MAMSTR: variants seen among roughly 807,000 people sequenced by gnomAD.
MAMSTR encodes MEF2 activating motif and SAP domain containing transcriptional regulator.
Under a neutral mutation model 42.7 loss-of-function variants are expected in MAMSTR, and 41 were observed. The observed-to-expected ratio is 0.96, with a 90% CI of 0.75 to 1.25. The LOEUF (loss-of-function observed/expected upper bound fraction) is 1.25, where lower values mean the gene tolerates loss of function less well. Among genes scored for constraint, MAMSTR ranks in the 50% most tolerant of loss-of-function variants. The probability of loss-of-function intolerance (pLI) is 0.00; values close to 1 mark genes in which losing one functional copy is unlikely to be tolerated. For synonymous variants in MAMSTR, 265 were observed against 244.1 expected (o/e 1.09, Z -0.80); for missense variants, 567 against 557.6 (o/e 1.02, Z -0.17).
chr19:48,714,083 C>T lies in MAMSTR; in HGVS notation c.724-38G>A, dbSNP rs774413745. ...AGAGGGCGAGCGCCCATAAGCCATG[C>T]CCACAGGGCGCAACCCCACCCACTC... On this transcript the variant is annotated intron_variant, in intron 7 of 9. Coordinates refer to ENST00000318083, the MANE Select transcript of MAMSTR (RefSeq NM_001130915.2). The T allele has an allele frequency of 2.8e-5, 42 of 1,523,580 alleles. No individual in the cohort carries two copies. In the East Asian group the frequency reaches 9.4e-4, roughly 34 times the overall value. The allele number at this position is 1,523,580 out of a possible 1,614,324, so 94.4% of individuals were successfully genotyped here.
chr19:48,714,791 A>G lies in MAMSTR; in HGVS notation c.528+15T>C. 1 of 1,573,286 alleles carries G rather than the reference A, an allele frequency of 6.4e-7. No homozygotes were observed. ...AAGGAGAGAGAAGGCCTGGAAAGTT[A>G]CACCCCAAACTCACCGTCAGCTCCT... On this transcript the variant is annotated intron_variant, in intron 6 of 9. Coordinates refer to ENST00000318083, the MANE Select transcript of MAMSTR (RefSeq NM_001130915.2).
At position 48,715,698 on chromosome 19, in the gene MAMSTR, G is replaced by GC; in HGVS notation, c.166dup (p.Ala56GlyfsTer87). 1 of 1,540,540 alleles carries GC rather than the reference G, an allele frequency of 6.5e-7. No individual in the cohort carries two copies. Among genetic ancestry groups the GC allele is most frequent in the African/African-American group, 1.4e-5 (1 of 72,066 alleles). On this transcript the variant is annotated frameshift_variant, in exon 4 of 10. Coordinates refer to ENST00000318083, the MANE Select transcript of MAMSTR (RefSeq NM_001130915.2). LOFTEE classifies it high-confidence loss of function. The stretch of plus-strand genomic sequence containing the variant: ...GACCCCAGGGCTGAAGAGGAAAGGG[G>GC]CCGTGCCCGAGGGCAAGGCCGGGGC...
At chr19:48,715,189 C>G in intron 5 of MAMSTR, 73 bp downstream of exon 5, 1 of 1,390,094 alleles carries the variant, frequency 7.2e-7, no homozygotes, top group Non-Finnish European at 9.9e-7. Flanking sequence ...TAATCTTGGA[C>G]TCGAGGTTTG....
At position 48,719,080 on chromosome 19, in the gene MAMSTR, C is replaced by T. The variant is rs2033159900; in HGVS notation, c.-21-28G>A. 1 of 1,519,760 alleles carries T rather than the reference C, an allele frequency of 6.6e-7. No homozygotes were observed. The highest frequency in any genetic ancestry group is 8.9e-7 in the Non-Finnish European group (1 of 1,120,436). 94.1% of individuals were successfully genotyped at this position (1,519,760 alleles called of 1,614,324 possible). On this transcript the variant is annotated intron_variant, in intron 1 of 9. Transcript: ENST00000318083. This position sits in a 1 kb window ranked among gnomAD's most constrained non-coding sequence, Gnocchi z 4.4. Reference sequence around the variant, plus strand: ...GGACGGAGAGGGGGCAGGGCAGGGGCCCCATAGAGGGCTGGCTCAGAGTGG... The same window carrying T: ...GGACGGAGAGGGGGCAGGGCAGGGGTCCCATAGAGGGCTGGCTCAGAGTGG...
At position 48,713,709 on chromosome 19, in the gene MAMSTR, A is replaced by G; in HGVS notation, c.964+7T>C. The G allele has an allele frequency of 5.0e-6, 8 of 1,614,066 alleles. No homozygotes were observed. Among genetic ancestry groups the G allele is most frequent in the Non-Finnish European group, 6.8e-6 (8 of 1,179,986 alleles). ...ACCTCCCCTAAATCTAGCAGTTTGG[A>G]TCCTACCATCAGGCTCCACCTGATC... is the stretch of plus-strand genomic sequence containing the variant. On this transcript the variant is annotated splice_region_variant and intron_variant, in intron 9 of 9. Transcript: ENST00000318083.
At chr19:48,717,584 G>A (rs2033093830) in intron 2 of MAMSTR, among the ~76,000 whole-genome samples, 1 of 143,328 alleles carries the variant, frequency 7.0e-6, no homozygotes, top group African/African-American at 2.6e-5. Flanking sequence ...ACCCAGGCTT[G>A]AGGACAATGT....
downstream of MAMSTR, among the ~76,000 whole-genome samples, chr19:48,708,167 G>C (rs2122244249): frequency 6.7e-6 from 1 of 148,366 alleles, no homozygotes; most frequent in South Asian, 2.2e-4. Flanking sequence ...CCAGGAGGCA[G>C]AGGTTGCGGT....
At chr19:48,710,742 G>A (rs183168964), downstream of MAMSTR, among the ~76,000 whole-genome samples, 366 of 151,710 alleles carry the variant, frequency 2.4e-3, 1 homozygote, top group African/African-American at 7.1e-3. Context: ...GATTAAAGGC[G>A]CATGCCCAGC....
At chr19:48,709,589 T>G (rs1293995114), downstream of MAMSTR, among the ~76,000 whole-genome samples, 2 of 152,180 alleles carry the variant, frequency 1.3e-5, no homozygotes, top group Non-Finnish European at 2.9e-5. Flanking sequence ...TTTTCTGAAC[T>G]TCTGCTGCTT....
At chr19:48,718,526 T>A (rs1037405374) in intron 2 of MAMSTR, among the ~76,000 whole-genome samples, 3 of 152,082 alleles carry the variant, frequency 2.0e-5, no homozygotes, top group Middle Eastern at 6.8e-3. Context: ...TAGCTGGGAT[T>A]ACAGGCATGC....
At chr19:48,707,881 A>AAG (rs1395816788), downstream of MAMSTR, among the ~76,000 whole-genome samples, 3 of 111,600 alleles carry the variant, frequency 2.7e-5, no homozygotes, top group Non-Finnish European at 4.0e-5. Flanking sequence ...GAAAGAAAGA[A>AAG]AGAAAGAAAA....
In MAMSTR at chr19:48,719,109, T is replaced by A; in HGVS notation, c.-21-57A>T. On this transcript the variant is annotated intron_variant, in intron 1 of 9. Transcript: ENST00000318083. The surrounding 1 kb of genome is among the most constrained non-coding windows in gnomAD (Gnocchi z 4.4). ...ATAGAGGGCTGGCTCAGAGTGGAGG[T>A]CAGGAGGCCGCCCCTGAGAGTGAAT... 3 of 1,229,992 alleles carry A rather than the reference T, an allele frequency of 2.4e-6. No homozygotes were observed. In the South Asian group the frequency reaches 3.9e-5, roughly 16 times the overall value. 76.2% of individuals were successfully genotyped at this position (1,229,992 alleles called of 1,614,324 possible).
rs373182050 is a variant in MAMSTR at position 48,713,453 on chromosome 19, T to C, written c.1062A>G (p.Ser354=). 14 of 1,606,212 alleles carry C rather than the reference T, an allele frequency of 8.7e-6. No homozygotes were observed. Among genetic ancestry groups the C allele is most frequent in the African/African-American group, 1.4e-5 (1 of 72,370 alleles). The change falls in exon 10 of 10, where the codon TCA becomes TCG. Residue 354 remains serine, a synonymous_variant. Coordinates refer to ENST00000318083, the MANE Select transcript of MAMSTR (RefSeq NM_001130915.2). ...SEGLSSVFSS[S]LPSPTNSSSP... ...AGGAGGAGTTCGTGGGAGACGGGAG[T>C]GAAGAGGAGAAAACAGATGAGAGGC...
downstream of MAMSTR, among the ~76,000 whole-genome samples, chr19:48,708,231 CAAA>C (rs66744711): frequency 0.047 from 5,531 of 118,044 alleles, 39 homozygotes; most frequent in South Asian, 0.083. Flanking sequence ...TGAACTCCAT[CAAA>C]AAAAAAAAAA....
the MAMSTR span, among the ~76,000 whole-genome samples, chr19:48,707,680 G>A: frequency 6.6e-6 from 1 of 151,056 alleles, no homozygotes; most frequent in African/African-American, 2.4e-5. Context: ...GGTGAAGTTT[G>A]CAATGAACTG....
intron 7 of MAMSTR, 80 bp from the exon 8 acceptor site, chr19:48,714,125 C>T: frequency 7.1e-7 from 1 of 1,410,032 alleles, no homozygotes; most frequent in Non-Finnish European, 9.4e-7. Context: ...TGTGGCTCCA[C>T]CCCTTGATCC....
intron 3 of MAMSTR, among the ~76,000 whole-genome samples, chr19:48,716,288 A>G (rs1416900086): frequency 6.8e-6 from 1 of 146,088 alleles, no homozygotes; most frequent in Non-Finnish European, 1.5e-5. Flanking sequence ...AGGCAGGAGA[A>G]TCGCTTGAAC....
At chr19:48,707,795 A>AGAAGGAAG (rs59152288), downstream of MAMSTR, among the ~76,000 whole-genome samples, 2 of 102,028 alleles carry the variant, frequency 2.0e-5, no homozygotes, top group African/African-American at 7.0e-5. Context: ...AAAGAAACAA[A>AGAAGGAAG]GAAGGAAGGA....
At chr19:48,707,877 AAGAAAGAAAG>A (rs2032672898), downstream of MAMSTR, among the ~76,000 whole-genome samples, 1 of 115,908 alleles carries the variant, frequency 8.6e-6, no homozygotes, top group Admixed American at 8.3e-5. Context: ...GAAAGAAAGA[AAGAAAGAAAG>A]AAAAGAAAGA....
Sources: gnomAD v4.1 joint callset for allele counts (sites outside exome capture counted in the v4.1 genomes callset) on GRCh38, gnomAD v4.1.1 for gene constraint, Gnocchi (gnomAD v3.1) non-coding constraint, MANE v1.5 for transcripts, NCBI Gene and HGNC (gene_info 2026-07-23, HGNC 2026-07-21) for gene names.